Variants in ITGB1 observed in about 807,000 individuals in gnomAD.
The protein encoded by ITGB1 is integrin subunit beta 1.
A neutral mutation model predicts 86.5 loss-of-function variants in ITGB1; 24 were observed. The observed-to-expected ratio is 0.28, with a 90% CI of 0.20 to 0.39. ITGB1 has a LOEUF of 0.39. ITGB1 is among the 10% of genes least tolerant of loss of function. The pLI, the probability that ITGB1 is intolerant of heterozygous loss-of-function variation, is 1.00. For missense variants in ITGB1, 556 were observed against 946.9 expected, an observed-to-expected ratio of 0.59 and a Z score of 5.42; for synonymous variants, 323 against 316.8, an observed-to-expected ratio of 1.02 and a Z score of -0.21.
chr10:32,944,932 C>T (rs2095027685), intron 1 of ITGB1: 1 of 1,299,340 alleles, frequency 7.7e-7, no homozygotes, highest in Non-Finnish European at 1.1e-6. Context: ...CAAAGCCAGT[C>T]CTGGAATATT....
At chr10:32,927,550 G>A (rs2094968856) in intron 5 of ITGB1, among the ~76,000 whole-genome samples, 1 of 152,194 alleles carries the variant, frequency 6.6e-6, no homozygotes, top group African/African-American at 2.4e-5. Context: ...CCAATACTCT[G>A]GGAGGCCAAG....
intron 6 of ITGB1, among the ~76,000 whole-genome samples, chr10:32,925,027 G>A (rs1202834910): frequency 1.3e-5 from 2 of 152,014 alleles, no homozygotes; most frequent in East Asian, 3.9e-4. Context: ...ATTATTTTGG[G>A]CATCAATTAG....
intron 1 of ITGB1, among the ~76,000 whole-genome samples, chr10:32,938,657 G>C (rs1290467248): frequency 1.3e-5 from 2 of 152,214 alleles, no homozygotes; most frequent in African/African-American, 2.4e-5. Flanking sequence ...GAACAGCTGA[G>C]AGAACAAGGC....
At chr10:32,923,217 G>A (rs901726637) in intron 7 of ITGB1, among the ~76,000 whole-genome samples, 3 of 152,186 alleles carry the variant, frequency 2.0e-5, no homozygotes, top group Admixed American at 6.5e-5. Flanking sequence ...TAAAGGCAGA[G>A]TGACTGCTTT....
At chr10:32,935,582 AT>A in intron 1 of ITGB1, 24 bp from the exon 2 acceptor site, 2 of 1,513,646 alleles carry the variant, frequency 1.3e-6, no homozygotes, top group Non-Finnish European at 1.8e-6. Flanking sequence ...TGTGCCTTAT[AT>A]TAGTTATAAA....
chr10:32,956,319 A>G (rs1220313693), intron 1 of ITGB1, among the ~76,000 whole-genome samples: 1 of 152,128 alleles, frequency 6.6e-6, no homozygotes, highest in Non-Finnish European at 1.5e-5. Flanking sequence ...AACCTATCGT[A>G]AAGGACGTAT....
intron 1 of ITGB1, among the ~76,000 whole-genome samples, chr10:32,943,514 A>AC (rs1243373864): frequency 6.6e-6 from 1 of 152,134 alleles, no homozygotes; most frequent in African/African-American, 2.4e-5. Context: ...GTGCAGTGCT[A>AC]CCAAAAAGTT....
At chr10:32,919,151 T>C (rs2094940988) in intron 11 of ITGB1, among the ~76,000 whole-genome samples, 1 of 152,236 alleles carries the variant, frequency 6.6e-6, no homozygotes, top group South Asian at 2.1e-4. Context: ...TAAAAATTGA[T>C]AGTGAGCTAA....
intron 5 of ITGB1, 81 bp from the exon 6 acceptor site, chr10:32,926,190 C>T: frequency 9.3e-7 from 1 of 1,072,384 alleles, no homozygotes; most frequent in Admixed American, 1.9e-5. Context: ...TTAAAAAATT[C>T]ATCTATGTTA....
chr10:32,931,741 A>G (rs564556187), intron 3 of ITGB1, among the ~76,000 whole-genome samples: 1 of 152,268 alleles, frequency 6.6e-6, no homozygotes, highest in South Asian at 2.1e-4. Context: ...ACTTGGGCCC[A>G]AATGCCTGCA....
intron 15 of ITGB1, chr10:32,906,481 T>C (rs1052373561): frequency 1.3e-5 from 3 of 225,844 alleles, no homozygotes; most frequent in Non-Finnish European, 1.9e-5. Context: ...TCCCAGGTAC[T>C]CGGGAGGCTG....
chr10:32,927,406 C>T (rs1469142868), intron 5 of ITGB1, among the ~76,000 whole-genome samples: 1 of 152,038 alleles, frequency 6.6e-6, no homozygotes, highest in Non-Finnish European at 1.5e-5. Flanking sequence ...ATGAAAAATC[C>T]AGGTCTAAGA....
In ITGB1 at chr10:32,920,308, C is replaced by T; in HGVS notation, c.1206G>A (p.Lys402=). 1.2e-6 allele frequency: 2 copies of T among 1,613,466 alleles called. No individual in the cohort carries two copies. The highest frequency in any genetic ancestry group is 8.5e-7 in the Non-Finnish European group (1 of 1,179,542). The change falls in exon 10 of 16, where the codon AAG becomes AAA. Residue 402 remains lysine, a synonymous_variant. Coordinates refer to ENST00000302278, the MANE Select transcript of ITGB1 (RefSeq NM_002211.4). ...GVTISYKSYC[K]NGVNGTGENG... ...TTTCCCCTGTTCCATTCACCCCGTT[C>T]TTGCAGTAAGATTTGTAACTTATTG...
At chr10:32,916,443 A>G (rs888650653) in intron 11 of ITGB1, among the ~76,000 whole-genome samples, 6 of 152,208 alleles carry the variant, frequency 3.9e-5, no homozygotes, top group Non-Finnish European at 8.8e-5. Context: ...AGAAAACCCC[A>G]TCGTCTCAGC....
At chr10:32,947,313 A>G (rs1000047047) in intron 1 of ITGB1, among the ~76,000 whole-genome samples, 15 of 151,908 alleles carry the variant, frequency 9.9e-5, no homozygotes, top group African/African-American at 3.6e-4. Context: ...AAAAAGAAAG[A>G]AAGAAAACTG....
rs2094962856 is a variant in ITGB1 at position 32,925,873 on chromosome 10, C to T, written c.784G>A (p.Gly262Arg). 2 of 1,589,900 alleles carry T rather than the reference C, an allele frequency of 1.3e-6. No homozygotes were observed. Among genetic ancestry groups the T allele is most frequent in the South Asian group, 1.1e-5 (1 of 90,544 alleles). The change falls in exon 6 of 16, where the codon GGA (glycine) becomes AGA (arginine). Residue 262 changes from glycine to arginine, a missense_variant and splice_region_variant. Physicochemically the swap from Gly to Arg is moderately radical, Grantham distance 125. This residue lies in a region of ITGB1 where 25 missense variants were observed against 76.3 expected (regional missense o/e 0.33). Transcript: ENST00000302278. ...TGATAGGAAATGAATGCGCTTACTC[C>T]ACAAACTGCAACTTGCATGATGGCA... ...FDAIMQVAVCGSLIGWRNVTR... is the reference protein window; with the variant it reads ...FDAIMQVAVCRSLIGWRNVTR...
At position 32,908,492 on chromosome 10, in the gene ITGB1, A is replaced by G; in HGVS notation, c.2207T>C (p.Val736Ala). Residue 736 changes from valine to alanine, a missense_variant, in exon 15 of 16, where the codon GTG becomes GCG. Physicochemically the swap from Val to Ala is moderately conservative, Grantham distance 64 (BLOSUM62 0). Around this residue, in one of 4 missense-constraint regions of ITGB1, gnomAD observed 330 missense variants for 531.5 expected, o/e 0.62. Coordinates refer to ENST00000302278, the MANE Select transcript of ITGB1 (RefSeq NM_002211.4). Reference protein sequence around the residue: ...GPDIIPIVAGVVAGIVLIGLA... With the variant: ...GPDIIPIVAGAVAGIVLIGLA... ...GCCAATAAGAACAATTCCAGCAACC[A>G]CACCAGCTACAATTGGAATGATGTC... The G allele has an allele frequency of 6.2e-7, 1 of 1,613,668 alleles. No individual in the cohort carries two copies. The highest frequency in any genetic ancestry group is 8.5e-7 in the Non-Finnish European group (1 of 1,179,652).
intron 1 of ITGB1, among the ~76,000 whole-genome samples, chr10:32,949,833 C>A (rs1222110773): frequency 1.3e-5 from 2 of 152,006 alleles, no homozygotes; most frequent in African/African-American, 4.8e-5. Flanking sequence ...AACAATTTTA[C>A]AAATAATTCA....
intron 6 of ITGB1, 73 bp downstream of exon 6, chr10:32,925,798 A>G (rs2094962622): frequency 2.2e-6 from 2 of 924,474 alleles, no homozygotes; most frequent in African/African-American, 3.3e-5. Flanking sequence ...TTCTATTATC[A>G]TAGTAAAATC....
Sources: allele counts gnomAD v4.1 joint callset (sites outside exome capture counted in the v4.1 genomes callset), GRCh38; gene constraint gnomAD v4.1.1; regional missense constraint gnomAD v4.1.1; transcripts MANE v1.5; gene names NCBI Gene and HGNC (gene_info 2026-07-23, HGNC 2026-07-21).